Variants in CUX1 observed in about 807,000 individuals in gnomAD.
The protein encoded by CUX1 is protein CASP.
CUX1 carries 31 observed loss-of-function variants against 158.8 expected under a neutral mutation model. That is an observed-to-expected ratio of 0.20 (90% CI 0.15 to 0.26). The LOEUF is 0.26. Ranked by LOEUF, CUX1 falls within the 10% of genes least tolerant of loss-of-function variation. The pLI, the probability that CUX1 is intolerant of heterozygous loss-of-function variation, is 1.00. For synonymous variants in CUX1, 879 were observed against 862.1 expected (o/e 1.02, Z -0.34); for missense variants, 1,589 against 2,014.6 (o/e 0.79, Z 4.04).
At chr7:101,887,144 G>A in intron 1 of CUX1, among the ~76,000 whole-genome samples, 1 of 152,174 alleles carries the variant, frequency 6.6e-6, no homozygotes, top group Non-Finnish European at 1.5e-5. Flanking sequence ...GGGACGGTTT[G>A]GAAGGGGCTT....
rs200271633 is a variant in CUX1 at position 102,273,436 on chromosome 7, C to T, written c.1326C>T (p.Ile442=). The T allele has an allele frequency of 6.2e-6, 10 of 1,613,244 alleles. 1 individual carries two copies. The Middle Eastern group carries it at 5.0e-4, about 80-fold the overall frequency. Reference sequence around the variant, plus strand: ...CAGCCACTGAGCAGAGAGAGCTGATCGCCCGCCTGGAGCAGGACCTGAGCA... The same window carrying T: ...CAGCCACTGAGCAGAGAGAGCTGATTGCCCGCCTGGAGCAGGACCTGAGCA... The change falls in exon 15 of 23, where the codon ATC becomes ATT. Residue 442 remains isoleucine (I), a synonymous_variant. Transcript: ENST00000292538.
intron 1 of CUX1, among the ~76,000 whole-genome samples, chr7:101,900,361 C>T (rs563268506): frequency 3.9e-5 from 6 of 152,356 alleles, no homozygotes; most frequent in Admixed American, 6.5e-5. Context: ...TTGCGACGCC[C>T]GCTCTCTCTG....
chr7:102,083,386 A>G (rs1472508439), intron 4 of CUX1, among the ~76,000 whole-genome samples: 1 of 147,226 alleles, frequency 6.8e-6, no homozygotes, highest in African/African-American at 2.4e-5. Context: ...AGCTCACTAC[A>G]GCCTCAGTCT....
chr7:102,224,012 G>C (rs1798100116), intron 20 of CUX1, among the ~76,000 whole-genome samples: 1 of 152,152 alleles, frequency 6.6e-6, no homozygotes, highest in Non-Finnish European at 1.5e-5. Context: ...ATGATGTTCT[G>C]AGCTCGTGGA....
chr7:101,989,439 T>A (rs1814804618), intron 2 of CUX1, among the ~76,000 whole-genome samples: 1 of 152,226 alleles, frequency 6.6e-6, no homozygotes, highest in Non-Finnish European at 1.5e-5. Context: ...ATCCCTGGAT[T>A]TCTCAGATGG....
At chr7:102,172,551 T>C (rs532951094) in intron 10 of CUX1, among the ~76,000 whole-genome samples, 38 of 152,278 alleles carry the variant, frequency 2.5e-4, no homozygotes, top group Non-Finnish European at 4.9e-4. Context: ...TTCCCGGCCC[T>C]ATTTTTTTAT....
chr7:102,163,473 C>T (rs782368124), intron 9 of CUX1, among the ~76,000 whole-genome samples: 6 of 152,104 alleles, frequency 3.9e-5, no homozygotes, highest in African/African-American at 1.2e-4. Context: ...GCTGGTAGGA[C>T]GGGACCTGGC....
chr7:102,196,869 G>A lies in CUX1; in HGVS notation c.1458G>A (p.Arg486=), dbSNP rs1285309870. 3 of 1,614,016 alleles carry A rather than the reference G, an allele frequency of 1.9e-6. No homozygotes were observed. Among genetic ancestry groups the A allele is most frequent in the Admixed American group, 1.7e-5 (1 of 59,982 alleles). The change falls in exon 15 of 24, where the codon CGG becomes CGA. Residue 486 remains arginine, a synonymous_variant. Transcript: ENST00000292535. ...TTGCACTAAACTCTCTTCTCCAGCG[G>A]CAGCTAATGCAGTCCTTCTACTCCA... ...GKFALNSLLQ[R]QLMQSFYSKA... is the part of the protein sequence containing the mutation.
chr7:101,975,762 T>A (rs1476977965), intron 2 of CUX1, among the ~76,000 whole-genome samples: 1 of 152,224 alleles, frequency 6.6e-6, no homozygotes, highest in Non-Finnish European at 1.5e-5. Context: ...TAGCCAGTGG[T>A]ATCTCCTGTG....
intron 2 of CUX1, among the ~76,000 whole-genome samples, chr7:101,989,686 G>A (rs924425268): frequency 6.6e-6 from 1 of 152,186 alleles, no homozygotes; most frequent in Admixed American, 6.5e-5. Flanking sequence ...AATTTTGAAG[G>A]TGGTACAGGT....
chr7:101,914,478 T>TCTTC (rs562140271), intron 1 of CUX1, among the ~76,000 whole-genome samples: 111 of 142,920 alleles, frequency 7.8e-4, no homozygotes, highest in African/African-American at 2.4e-3. Context: ...TTCCTTCCCT[T>TCTTC]CTTCCTTCCT....
chr7:101,830,739 G>A (rs1321296318), intron 1 of CUX1, among the ~76,000 whole-genome samples: 4 of 152,092 alleles, frequency 2.6e-5, no homozygotes, highest in South Asian at 2.1e-4. Flanking sequence ...TTATATAAGC[G>A]TGAGCCACCA....
At position 102,236,198 on chromosome 7, in the gene CUX1, C is replaced by T. The variant is rs550037522; in HGVS notation, c.3622+1958C>T. 3.5e-4 allele frequency among the ~76,000 whole-genome samples: 53 copies of T among 152,344 alleles called. 1 individual carries two copies. The South Asian group carries it at 9.3e-3, about 27-fold the overall frequency. On this transcript the variant is annotated intron_variant, in intron 22 of 23. Coordinates refer to ENST00000292535, the MANE Select transcript of CUX1 (RefSeq NM_181552.4). The stretch of plus-strand genomic sequence containing the variant: ...ATGCTCTTAAATATACATCCGCTGC[C>T]TCTGTGCTGCGAGCTGCCCCCCTGG...
intron 2 of CUX1, among the ~76,000 whole-genome samples, chr7:102,024,571 C>T (rs894472423): frequency 6.6e-6 from 1 of 152,172 alleles, no homozygotes; most frequent in African/African-American, 2.4e-5. Context: ...AGGTGATCCA[C>T]TTGCCTCAGC....
At chr7:102,089,151 T>G (rs1432393101) in intron 4 of CUX1, among the ~76,000 whole-genome samples, 1 of 152,234 alleles carries the variant, frequency 6.6e-6, no homozygotes, top group African/African-American at 2.4e-5. Flanking sequence ...TTTTTCCATT[T>G]CACATACTTT....
At position 102,195,575 on chromosome 7, in the gene CUX1, G is replaced by A. The variant is rs367577378; in HGVS notation, c.1194G>A (p.Ala398=). 13 of 1,611,678 alleles carry A rather than the reference G, an allele frequency of 8.1e-6. No homozygotes were observed. The highest frequency in any genetic ancestry group is 1.3e-5 in the African/African-American group (1 of 74,940). ...KNRSLQSENA[A]LRISNSDLSG... ...GCTCGCTGCAGTCCGAGAACGCCGC[G>A]CTGCGCATCTCCAACAGCGACCTGA... The change falls in exon 14 of 24, where the codon GCG becomes GCA. Residue 398 remains alanine, a synonymous_variant. Transcript: ENST00000292535.
intron 8 of CUX1, among the ~76,000 whole-genome samples, chr7:102,142,274 T>G (rs1585879821): frequency 6.6e-6 from 1 of 151,806 alleles, no homozygotes; most frequent in Non-Finnish European, 1.5e-5. Context: ...TGCTCACAGG[T>G]GAAGTAAACC....
Position 102,047,838 on chromosome 7 carries a change from C to T in CUX1, c.189+19693C>T, listed in dbSNP as rs138119165. Among the ~76,000 whole-genome samples, 62 of 152,170 alleles carry T rather than the reference C, an allele frequency of 4.1e-4. 1 individual carries two copies. The highest frequency in any genetic ancestry group is 1.4e-3 in the African/African-American group (59 of 41,518). On this transcript the variant is annotated intron_variant, in intron 3 of 23. Coordinates refer to ENST00000292535, the MANE Select transcript of CUX1 (RefSeq NM_181552.4). ...TAAAGTTCCATCAATTTAATGCAGTCGTTCTTTAAATGAAACTGACACCAA... is the reference window on the plus strand; with the variant it reads ...TAAAGTTCCATCAATTTAATGCAGTTGTTCTTTAAATGAAACTGACACCAA...
intron 12 of CUX1, among the ~76,000 whole-genome samples, chr7:102,191,918 C>A (rs1554517119): frequency 6.6e-6 from 1 of 152,090 alleles, no homozygotes; most frequent in Non-Finnish European, 1.5e-5. Flanking sequence ...CCTGCCGGAC[C>A]ACAGGCTGCC....
Sources: allele counts gnomAD v4.1 joint callset (sites outside exome capture counted in the v4.1 genomes callset), GRCh38; gene constraint gnomAD v4.1.1; transcripts MANE v1.5; gene names NCBI Gene and HGNC (gene_info 2026-07-23, HGNC 2026-07-21).